SLC10A7: variants seen among roughly 807,000 people sequenced by gnomAD.
SLC10A7 encodes sodium/bile acid cotransporter 7.
A neutral mutation model predicts 43.2 loss-of-function variants in SLC10A7; 29 were observed. The observed-to-expected ratio is 0.67, with a 90% CI of 0.50 to 0.92. SLC10A7 has a LOEUF of 0.92. SLC10A7 is among the 40% of genes least tolerant of loss of function. The pLI is 0.00. For missense variants in SLC10A7, 295 were observed against 403.2 expected (o/e 0.73, Z 2.30); for synonymous variants, 152 against 144.8 (o/e 1.05, Z -0.35).
intron 4 of SLC10A7, among the ~76,000 whole-genome samples, chr4:146,502,479 T>A (rs1372009064): frequency 6.6e-6 from 1 of 152,198 alleles, no homozygotes; most frequent in East Asian, 1.9e-4. Flanking sequence ...GATTAAAAGG[T>A]ACTAGAACTT....
chr4:146,416,720 T>C (rs955616222), intron 5 of SLC10A7, among the ~76,000 whole-genome samples: 3 of 152,216 alleles, frequency 2.0e-5, no homozygotes, highest in African/African-American at 7.2e-5. Context: ...CCCATCTCAT[T>C]TGGATTTAAA....
chr4:146,303,015 G>C (rs977899844), intron 7 of SLC10A7, among the ~76,000 whole-genome samples: 5 of 152,118 alleles, frequency 3.3e-5, no homozygotes, highest in African/African-American at 1.2e-4. Context: ...GTTCCTCTTC[G>C]GGACTTGCCC....
intron 4 of SLC10A7, among the ~76,000 whole-genome samples, chr4:146,464,666 T>G (rs1267378889): frequency 1.3e-5 from 2 of 151,778 alleles, no homozygotes; most frequent in Non-Finnish European, 2.9e-5. Flanking sequence ...AGTCATGCCA[T>G]TAAGAATAAC....
intron 5 of SLC10A7, among the ~76,000 whole-genome samples, chr4:146,351,741 A>G (rs910723364): frequency 6.8e-6 from 1 of 146,238 alleles, no homozygotes; most frequent in African/African-American, 2.6e-5. Flanking sequence ...CAACATTCTT[A>G]AAGAAAAGAA....
At position 146,256,621 on chromosome 4, in the gene SLC10A7, G is replaced by A. The variant is rs17021302; in HGVS notation, c.994-101C>T. ...ATTTATGCTATTAGAAGGAAGAAGA[G>A]GCCCACCCAGATGGCATCATATAAC... On this transcript the variant is annotated intron_variant, in intron 11 of 11. Coordinates refer to ENST00000335472, the MANE Select transcript of SLC10A7 (RefSeq NM_001029998.6). The A allele has an allele frequency of 3.3e-3, 4,251 of 1,307,950 alleles. 115 individuals are homozygous for A. The African/African-American group carries it at 0.055, about 17-fold the overall frequency. 81.0% of individuals were successfully genotyped at this position (1,307,950 alleles called of 1,614,324 possible). A position where few individuals can be genotyped will look rare whatever the true frequency, so the allele number is the denominator to read the frequency against.
chr4:146,304,914 C>T (rs1731440970), intron 7 of SLC10A7, among the ~76,000 whole-genome samples: 1 of 151,484 alleles, frequency 6.6e-6, no homozygotes, highest in African/African-American at 2.4e-5. Flanking sequence ...TCAGGACTTG[C>T]TTTATGAATC....
At chr4:146,357,059 G>T (rs1249207812) in intron 5 of SLC10A7, among the ~76,000 whole-genome samples, 3 of 135,662 alleles carry the variant, frequency 2.2e-5, no homozygotes, top group Non-Finnish European at 5.0e-5. Context: ...CTCAATGAAA[G>T]AGGAGGAGAG....
chr4:146,333,248 A>G (rs1463323424), intron 5 of SLC10A7, among the ~76,000 whole-genome samples: 4 of 152,142 alleles, frequency 2.6e-5, no homozygotes, highest in African/African-American at 7.2e-5. Flanking sequence ...TTAGCTTATT[A>G]GATTTGGCCT....
intron 10 of SLC10A7, among the ~76,000 whole-genome samples, chr4:146,261,834 C>G (rs1254151904): frequency 1.3e-5 from 2 of 152,136 alleles, no homozygotes; most frequent in African/African-American, 4.8e-5. Flanking sequence ...CTTTCATGTA[C>G]CCTCTCTATG....
intron 5 of SLC10A7, among the ~76,000 whole-genome samples, chr4:146,400,261 C>T (rs983113578): frequency 8.5e-5 from 13 of 152,088 alleles, no homozygotes; most frequent in Admixed American, 6.5e-4. Context: ...GTGACCTTGA[C>T]AAGGGTAGAG....
chr4:146,283,364 T>G (rs1345996873), intron 9 of SLC10A7, 99 bp from the exon 10 acceptor site: 4 of 871,612 alleles, frequency 4.6e-6, no homozygotes, highest in Non-Finnish European at 7.6e-6. Flanking sequence ...AACATCCCTT[T>G]GATCAATCCT....
chr4:146,331,576 A>T (rs562333819), intron 5 of SLC10A7, among the ~76,000 whole-genome samples: 1 of 152,148 alleles, frequency 6.6e-6, no homozygotes, highest in Non-Finnish European at 1.5e-5. Context: ...TACCATCCTG[A>T]TGGTTTCCTC....
intron 5 of SLC10A7, among the ~76,000 whole-genome samples, chr4:146,405,381 C>T (rs1439808819): frequency 1.3e-5 from 2 of 152,098 alleles, no homozygotes; most frequent in Admixed American, 1.3e-4. Flanking sequence ...TAAATTGGCA[C>T]CACAATAATG....
intron 5 of SLC10A7, among the ~76,000 whole-genome samples, chr4:146,337,033 G>T (rs1412350401): frequency 5.0e-4 from 76 of 152,116 alleles, no homozygotes; most frequent in African/African-American, 1.8e-3. Context: ...GGTTAAGAGT[G>T]ACAAAAACAA....
intron 5 of SLC10A7, among the ~76,000 whole-genome samples, chr4:146,348,317 T>C (rs536868687): frequency 1.3e-5 from 2 of 152,330 alleles, no homozygotes; most frequent in African/African-American, 4.8e-5. Context: ...AGATATCTTA[T>C]GGAATTTTCC....
chr4:146,521,309 G>A (rs1398402039), intron 1 of SLC10A7, among the ~76,000 whole-genome samples: 3 of 152,002 alleles, frequency 2.0e-5, no homozygotes, highest in Non-Finnish European at 1.5e-5. Flanking sequence ...AGATTCCCTT[G>A]GGATAGGATG....
intron 5 of SLC10A7, among the ~76,000 whole-genome samples, chr4:146,351,576 A>T (rs1161179125): frequency 6.6e-6 from 1 of 151,856 alleles, no homozygotes; most frequent in Admixed American, 6.5e-5. Flanking sequence ...TCCAAGACAC[A>T]TAATTGTCAG....
At chr4:146,411,863 C>T (rs1728218398) in intron 5 of SLC10A7, among the ~76,000 whole-genome samples, 1 of 152,000 alleles carries the variant, frequency 6.6e-6, no homozygotes, top group Non-Finnish European at 1.5e-5. Context: ...CATAATGAAG[C>T]TCGTTTTGCT....
chr4:146,255,889 T>G lies in SLC10A7; in HGVS notation c.*602A>C, dbSNP rs898425977. 1 of 152,258 alleles carries G rather than the reference T, an allele frequency of 6.6e-6. No individual in the cohort carries two copies. The highest frequency in any genetic ancestry group is 1.5e-5 in the Non-Finnish European group (1 of 68,062). The allele number at this position is 152,258 out of a possible 1,614,324, so 9.4% of individuals were successfully genotyped here. On this transcript the variant is annotated 3_prime_UTR_variant, in exon 12 of 12. Coordinates refer to ENST00000335472, the MANE Select transcript of SLC10A7 (RefSeq NM_001029998.6). The stretch of plus-strand genomic sequence containing the variant: ...CAGCTTATAATAAATTTAAGACATA[T>G]AACCACAATCTCTCATAATGGGAGT...
Sources: allele counts gnomAD v4.1 joint callset (sites outside exome capture counted in the v4.1 genomes callset), GRCh38; gene constraint gnomAD v4.1.1; transcripts MANE v1.5; gene names NCBI Gene and HGNC (gene_info 2026-07-23, HGNC 2026-07-21).